The following EIPR1 variants were observed in gnomAD, a reference collection of about 807,000 sequenced individuals.
The protein encoded by EIPR1 is EARP complex and GARP complex interacting protein 1.
Under a neutral mutation model 48.1 loss-of-function variants are expected in EIPR1, and 25 were observed. That is an observed-to-expected ratio of 0.52 (90% CI 0.38 to 0.73). EIPR1 has a LOEUF of 0.73. Ranked by LOEUF, EIPR1 falls within the 30% of genes least tolerant of loss-of-function variation. EIPR1 has a pLI of 0.00. For missense variants in EIPR1, 415 were observed against 506.2 expected, an observed-to-expected ratio of 0.82 and a Z score of 1.73; for synonymous variants, 204 against 201.9, an observed-to-expected ratio of 1.01 and a Z score of -0.09.
At chr2:3,346,972 G>A (rs1346974064) in intron 2 of EIPR1, among the ~76,000 whole-genome samples, 1 of 152,204 alleles carries the variant, frequency 6.6e-6, no homozygotes, top group Non-Finnish European at 1.5e-5. Context: ...CCTGGGGACA[G>A]ATGCCTCATG....
intron 4 of EIPR1, among the ~76,000 whole-genome samples, chr2:3,247,417 A>AG (rs1666868073): frequency 6.6e-6 from 1 of 152,220 alleles, no homozygotes; most frequent in Non-Finnish European, 1.5e-5. Flanking sequence ...TGTTGTGGCT[A>AG]ATCAGCCATC....
At chr2:3,190,437 T>C (rs1055361032) in intron 8 of EIPR1, among the ~76,000 whole-genome samples, 1 of 152,224 alleles carries the variant, frequency 6.6e-6, no homozygotes, top group African/African-American at 2.4e-5. Flanking sequence ...GACCTGCCAG[T>C]GGTCAACTGC....
chr2:3,267,921 C>T (rs1667541466), intron 3 of EIPR1, among the ~76,000 whole-genome samples: 1 of 152,248 alleles, frequency 6.6e-6, no homozygotes. Context: ...ACCTCAGGTG[C>T]TGAAGGCGCC....
At chr2:3,213,566 C>T (rs1423009076) in intron 5 of EIPR1, among the ~76,000 whole-genome samples, 1 of 152,192 alleles carries the variant, frequency 6.6e-6, no homozygotes, top group Non-Finnish European at 1.5e-5. Context: ...AGAATCCATT[C>T]GTCAAAAGGA....
At chr2:3,247,970 C>A (rs958574399) in intron 4 of EIPR1, among the ~76,000 whole-genome samples, 1 of 151,890 alleles carries the variant, frequency 6.6e-6, no homozygotes, top group Non-Finnish European at 1.5e-5. Context: ...TTTAAGGGAG[C>A]GACATAGTCG....
At chr2:3,358,337 T>C (rs1007334109) in intron 1 of EIPR1, among the ~76,000 whole-genome samples, 4 of 152,214 alleles carry the variant, frequency 2.6e-5, no homozygotes, top group African/African-American at 7.2e-5. Context: ...TTTCATGAAC[T>C]GTTCTTAGAA....
chr2:3,282,148 C>T (rs1355679458), intron 3 of EIPR1, among the ~76,000 whole-genome samples: 1 of 152,246 alleles, frequency 6.6e-6, no homozygotes, highest in Non-Finnish European at 1.5e-5. Context: ...AATTCTAGGA[C>T]AAACCAGCCA....
chr2:3,238,232 C>T (rs1057246388), intron 4 of EIPR1, among the ~76,000 whole-genome samples: 2 of 152,234 alleles, frequency 1.3e-5, no homozygotes, highest in African/African-American at 2.4e-5. Flanking sequence ...TGTGGCCATC[C>T]TACCCACATC....
At chr2:3,354,525 G>A (rs771891783) in intron 2 of EIPR1, 25 bp downstream of exon 2, 5 of 1,600,768 alleles carry the variant, frequency 3.1e-6, no homozygotes, top group East Asian at 2.2e-5. Context: ...TAATTATCAT[G>A]TATACATTTG....
At chr2:3,234,316 T>G in intron 4 of EIPR1, among the ~76,000 whole-genome samples, 1 of 152,232 alleles carries the variant, frequency 6.6e-6, no homozygotes, top group East Asian at 1.9e-4. Flanking sequence ...GCCAACTTTT[T>G]GCTTTAAACA....
At chr2:3,277,800 G>A (rs903311401) in intron 3 of EIPR1, among the ~76,000 whole-genome samples, 12 of 152,336 alleles carry the variant, frequency 7.9e-5, no homozygotes, top group Admixed American at 2.6e-4. Flanking sequence ...GAACATTGCT[G>A]CCCCATCTGT....
At chr2:3,356,843 G>A (rs1410603943) in intron 1 of EIPR1, among the ~76,000 whole-genome samples, 1 of 152,210 alleles carries the variant, frequency 6.6e-6, no homozygotes, top group Non-Finnish European at 1.5e-5. Context: ...TGACTTCCTA[G>A]AACTAAACTG....
chr2:3,295,286 G>A (rs1668521595), intron 3 of EIPR1, among the ~76,000 whole-genome samples: 2 of 76,880 alleles, frequency 2.6e-5, no homozygotes, highest in South Asian at 1.1e-3. Context: ...CCTCCATCCA[G>A]CCCGTCCTCT....
intron 3 of EIPR1, among the ~76,000 whole-genome samples, chr2:3,269,636 T>G (rs1667638269): frequency 8.3e-6 from 1 of 120,942 alleles, no homozygotes; most frequent in Non-Finnish European, 2.0e-5. Flanking sequence ...CACTCAATCA[T>G]CACACTCAAT....
At chr2:3,309,811 C>G (rs1384202027) in intron 3 of EIPR1, among the ~76,000 whole-genome samples, 4 of 152,176 alleles carry the variant, frequency 2.6e-5, no homozygotes, top group African/African-American at 9.7e-5. Flanking sequence ...TCTAACACCC[C>G]CCTTACTACC....
intron 1 of EIPR1, among the ~76,000 whole-genome samples, chr2:3,371,935 T>A (rs1473241258): frequency 6.6e-6 from 1 of 152,198 alleles, no homozygotes; most frequent in Non-Finnish European, 1.5e-5. Context: ...ATACATTTTT[T>A]TCAGCACCAC....
intron 4 of EIPR1, among the ~76,000 whole-genome samples, chr2:3,242,106 G>A (rs1379899177): frequency 1.3e-5 from 2 of 151,930 alleles, no homozygotes; most frequent in South Asian, 4.2e-4. Flanking sequence ...CTCCCGACTC[G>A]ACACCACGGA....
chr2:3,319,088 C>A, intron 3 of EIPR1: 1 of 386,272 alleles, frequency 2.6e-6, no homozygotes, highest in Non-Finnish European at 5.3e-6. Context: ...ATCTCATTGG[C>A]TTCTAAACTC....
chr2:3,240,322 C>A (rs1478808530), intron 4 of EIPR1, among the ~76,000 whole-genome samples: 6,248 of 127,242 alleles, frequency 0.049, no homozygotes, highest in South Asian at 0.066. Flanking sequence ...CCTCCTAAAG[C>A]AAAGCCAGCA....
Sources: gnomAD v4.1 joint callset for allele counts (sites outside exome capture counted in the v4.1 genomes callset) on GRCh38, gnomAD v4.1.1 for gene constraint, MANE v1.5 for transcripts, NCBI Gene and HGNC (gene_info 2026-07-23, HGNC 2026-07-21) for gene names.